The following ELAVL2 variants were observed in gnomAD, a reference collection of about 807,000 sequenced individuals.
ELAVL2 encodes ELAV-like protein 2.
ELAVL2 carries 4 observed loss-of-function variants against 34.6 expected under a neutral mutation model. That is an observed-to-expected ratio of 0.12 (90% CI 0.06 to 0.26). The LOEUF is 0.26. Ranked by LOEUF, ELAVL2 falls within the 10% of genes least tolerant of loss-of-function variation. The probability of loss-of-function intolerance (pLI) is 1.00; values close to 1 mark genes in which losing one functional copy is unlikely to be tolerated. For synonymous variants in ELAVL2, 193 were observed against 154.8 expected, an observed-to-expected ratio of 1.25 and a Z score of -1.83; for missense variants, 432 against 442.8, an observed-to-expected ratio of 0.98 and a Z score of 0.22.
intron 1 of ELAVL2, among the ~76,000 whole-genome samples, chr9:23,781,118 C>A (rs986040139): frequency 6.6e-6 from 1 of 152,166 alleles, no homozygotes; most frequent in African/African-American, 2.4e-5. Context: ...ACTCTGCTAG[C>A]GAACAGGGTT....
chr9:23,692,899 A>G lies in ELAVL2; in HGVS notation c.753-15T>C, dbSNP rs1161299009. The G allele has an allele frequency of 6.2e-7, 1 of 1,610,800 alleles. No individual in the cohort carries two copies. The highest frequency in any genetic ancestry group is 8.5e-7 in the Non-Finnish European group (1 of 1,177,642). On this transcript the variant is annotated splice_polypyrimidine_tract_variant and intron_variant, in intron 6 of 6. Transcript: ENST00000397312. ...TTGGAGAAAACCTGCTAAACAGAATAGGAAATACACACATACACACAAAAA... is the reference window on the plus strand; with the variant it reads ...TTGGAGAAAACCTGCTAAACAGAATGGGAAATACACACATACACACAAAAA...
At chr9:23,702,950 G>GAAAAAAAAA (rs1164109229) in intron 4 of ELAVL2, among the ~76,000 whole-genome samples, 4 of 7,644 alleles carry the variant, frequency 5.2e-4, no homozygotes, top group Non-Finnish European at 1.4e-3. Context: ...CATCAGATTA[G>GAAAAAAAAA]CAAAAAAAAA....
chr9:23,716,036 A>T (rs1010952455), intron 3 of ELAVL2, among the ~76,000 whole-genome samples: 1 of 152,088 alleles, frequency 6.6e-6, no homozygotes, highest in Non-Finnish European at 1.5e-5. Context: ...TTATGTAGAA[A>T]ATCTCACATA....
chr9:23,755,535 TAAA>T (rs1448493761), intron 2 of ELAVL2, among the ~76,000 whole-genome samples: 1 of 152,142 alleles, frequency 6.6e-6, no homozygotes, highest in Non-Finnish European at 1.5e-5. Context: ...AATGAAGATA[TAAA>T]TAAAGTTTCT....
At chr9:23,805,877 T>C (rs1263555346) in intron 1 of ELAVL2, among the ~76,000 whole-genome samples, 1 of 152,114 alleles carries the variant, frequency 6.6e-6, no homozygotes, top group Non-Finnish European at 1.5e-5. Context: ...ACAGCACACT[T>C]TGAAGCGGTA....
intron 4 of ELAVL2, among the ~76,000 whole-genome samples, chr9:23,702,023 C>G (rs1010990389): frequency 5.3e-5 from 8 of 152,150 alleles, no homozygotes; most frequent in African/African-American, 1.7e-4. Flanking sequence ...GTCCTTGAAA[C>G]AAGGAGAACA....
chr9:23,794,683 C>T (rs928893218), intron 1 of ELAVL2, among the ~76,000 whole-genome samples: 1 of 152,088 alleles, frequency 6.6e-6, no homozygotes, highest in East Asian at 1.9e-4. Flanking sequence ...CAAATCAATC[C>T]TTAATGTTTA....
Position 23,704,968 on chromosome 9 carries a change from G to A in ELAVL2, c.437C>T (p.Ser146Leu), listed in dbSNP as rs867331367. 6.2e-7 allele frequency: 1 copy of A among 1,614,062 alleles called. No individual in the cohort carries two copies. The highest frequency in any genetic ancestry group is 1.3e-5 in the African/African-American group (1 of 75,036). ...MTQKELEQLF[S>L]QYGRIITSRI... Reference sequence around the variant, plus strand: ...AGAAGTAATAATGCGTCCATATTGTGAAAAAAGCTGTTCCAACTCCTTCTG... The same window carrying A: ...AGAAGTAATAATGCGTCCATATTGTAAAAAAAGCTGTTCCAACTCCTTCTG... The change falls in exon 4 of 7, where the codon TCA becomes TTA. Residue 146 changes from serine (S) to leucine (L), a missense_variant. Physicochemically the swap from Ser to Leu is moderately radical, Grantham distance 145 (BLOSUM62 -2). Coordinates refer to ENST00000397312, the MANE Select transcript of ELAVL2 (RefSeq NM_004432.5).
At chr9:23,844,576 T>C in the ELAVL2 span, among the ~76,000 whole-genome samples, 18 of 152,022 alleles carry the variant, frequency 1.2e-4, no homozygotes, top group African/African-American at 4.1e-4. Flanking sequence ...TTGTTAAATA[T>C]TTATAATGTT....
chr9:23,783,381 C>T (rs779557976), intron 1 of ELAVL2: 17 of 943,370 alleles, frequency 1.8e-5, no homozygotes, highest in Non-Finnish European at 1.9e-5. Context: ...CAAGGAAAAC[C>T]GAAAGTTAAA....
chr9:23,820,423 A>G (rs771978687), intron 1 of ELAVL2, among the ~76,000 whole-genome samples: 9 of 152,190 alleles, frequency 5.9e-5, no homozygotes, highest in Non-Finnish European at 1.0e-4. Context: ...AGGAGAGTGG[A>G]CAACTCGTAG....
At chr9:23,831,544 C>T in the ELAVL2 span, 1 of 152,166 alleles carries the variant, frequency 6.6e-6, no homozygotes, top group African/African-American at 2.4e-5. Context: ...CTTATCAGCC[C>T]GCTGCAGAGA....
chr9:23,747,092 G>A (rs1168089413), intron 2 of ELAVL2, among the ~76,000 whole-genome samples: 1 of 151,694 alleles, frequency 6.6e-6, no homozygotes, highest in African/African-American at 2.4e-5. Context: ...CCTTATCCTT[G>A]GGGGTTACAA....
At chr9:23,733,860 C>G (rs1289674164) in intron 2 of ELAVL2, among the ~76,000 whole-genome samples, 1 of 152,070 alleles carries the variant, frequency 6.6e-6, no homozygotes, top group Non-Finnish European at 1.5e-5. Context: ...GAAGACCCAA[C>G]CATCAAATGG....
At position 23,751,108 on chromosome 9, in the gene ELAVL2, A is replaced by G. The variant is rs113753912; in HGVS notation, c.229+10898T>C. On this transcript the variant is annotated intron_variant, in intron 2 of 6. Coordinates refer to ENST00000397312, the MANE Select transcript of ELAVL2 (RefSeq NM_004432.5). ...TTCAAGTCTATCATCCCTCACCAAGAAATGCAAATTTTTGTTGAGCTAGAG... is the reference window on the plus strand; with the variant it reads ...TTCAAGTCTATCATCCCTCACCAAGGAATGCAAATTTTTGTTGAGCTAGAG... 1.0e-2 allele frequency among the ~76,000 whole-genome samples: 1,517 copies of G among 152,234 alleles called. 21 individuals are homozygous for G. The highest frequency in any genetic ancestry group is 0.034 in the African/African-American group (1,399 of 41,544).
intron 1 of ELAVL2, among the ~76,000 whole-genome samples, chr9:23,810,864 T>A (rs1014289783): frequency 1.3e-5 from 2 of 152,182 alleles, no homozygotes; most frequent in African/African-American, 4.8e-5. Flanking sequence ...GTCTCCTGGT[T>A]CCATCACCTT....
chr9:23,781,826 C>T (rs10966079), intron 1 of ELAVL2, among the ~76,000 whole-genome samples: 24,206 of 151,872 alleles, frequency 0.16, 2,412 homozygotes, highest in East Asian at 0.35. Context: ...CCTGAGTAGC[C>T]GGCAACCGCC....
chr9:23,720,716 G>T (rs575426678), intron 3 of ELAVL2, among the ~76,000 whole-genome samples: 69 of 151,216 alleles, frequency 4.6e-4, no homozygotes, highest in Middle Eastern at 6.9e-3. Context: ...ACCGACAAAT[G>T]AAAATCCTAT....
At chr9:23,808,753 C>T (rs2062581198) in intron 1 of ELAVL2, among the ~76,000 whole-genome samples, 1 of 152,074 alleles carries the variant, frequency 6.6e-6, no homozygotes, top group Non-Finnish European at 1.5e-5. Context: ...AGAGAATAAT[C>T]ACAGGGAATG....
Sources: gnomAD v4.1 joint callset for allele counts (sites outside exome capture counted in the v4.1 genomes callset) on GRCh38, gnomAD v4.1.1 for gene constraint, MANE v1.5 for transcripts, NCBI Gene and HGNC (gene_info 2026-07-23, HGNC 2026-07-21) for gene names.